CENPP: variants seen among roughly 807,000 people sequenced by gnomAD.
The protein encoded by CENPP is centromere protein P.
CENPP carries 24 observed loss-of-function variants against 35.6 expected under a neutral mutation model. That is an observed-to-expected ratio of 0.67 (90% CI 0.49 to 0.95). The LOEUF is 0.95. CENPP is among the 40% of genes least tolerant of loss of function. The probability of loss-of-function intolerance (pLI) is 0.00; values close to 1 mark genes in which losing one functional copy is unlikely to be tolerated. For missense variants in CENPP, 332 were observed against 345.3 expected (o/e 0.96, Z 0.31); for synonymous variants, 120 against 125.5 (o/e 0.96, Z 0.29).
intron 4 of CENPP, among the ~76,000 whole-genome samples, chr9:92,348,876 G>A (rs1327888608): frequency 1.3e-5 from 2 of 152,144 alleles, no homozygotes; most frequent in Non-Finnish European, 2.9e-5. Context: ...AATCTGGATT[G>A]CATAGGTTGT....
At chr9:92,553,619 C>T (rs747309034) in intron 5 of CENPP, among the ~76,000 whole-genome samples, 7 of 151,976 alleles carry the variant, frequency 4.6e-5, no homozygotes, top group Non-Finnish European at 1.0e-4. Context: ...AGAGGTCTTT[C>T]GACTCCTTGG....
At chr9:92,587,468 C>T (rs1159043936) in intron 5 of CENPP, among the ~76,000 whole-genome samples, 2 of 150,342 alleles carry the variant, frequency 1.3e-5, no homozygotes, top group Non-Finnish European at 3.0e-5. Context: ...AAATTGCCAT[C>T]TCAAAAAAAA....
At chr9:92,499,171 T>C (rs768772047) in intron 5 of CENPP, among the ~76,000 whole-genome samples, 5 of 152,170 alleles carry the variant, frequency 3.3e-5, no homozygotes, top group Non-Finnish European at 7.3e-5. Context: ...ATGACTGCAA[T>C]TGATTGAAAC....
At chr9:92,496,625 A>G in intron 5 of CENPP, 2 of 1,026,516 alleles carry the variant, frequency 1.9e-6, no homozygotes, top group Non-Finnish European at 2.7e-6. Context: ...CAACTACGTC[A>G]GAGATTCAAA....
chr9:92,461,246 A>G (rs1845097502), intron 5 of CENPP, among the ~76,000 whole-genome samples: 1 of 152,114 alleles, frequency 6.6e-6, no homozygotes, highest in Non-Finnish European at 1.5e-5. Flanking sequence ...TGATAAGGTC[A>G]TCTTGTTTTT....
intron 5 of CENPP, among the ~76,000 whole-genome samples, chr9:92,472,662 AAAT>A (rs1564340719): frequency 6.6e-6 from 1 of 152,156 alleles, no homozygotes; most frequent in Non-Finnish European, 1.5e-5. Flanking sequence ...TGTCTCAAAA[AAAT>A]AATAATAATA....
At chr9:92,393,308 T>C (rs1270638896) in intron 5 of CENPP, 3 of 1,282,994 alleles carry the variant, frequency 2.3e-6, no homozygotes, top group South Asian at 3.1e-5. Flanking sequence ...CCTCTAGTAG[T>C]AAAATTATTG....
At chr9:92,332,072 T>G in intron 1 of CENPP, 98 bp from the exon 2 acceptor site, 2 of 653,430 alleles carry the variant, frequency 3.1e-6, no homozygotes, top group Non-Finnish European at 4.9e-6. Flanking sequence ...TGGAAGAGAG[T>G]AAGAGGGACA....
intron 5 of CENPP, among the ~76,000 whole-genome samples, chr9:92,418,099 A>C (rs748927199): frequency 1.5e-4 from 23 of 149,894 alleles, no homozygotes; most frequent in East Asian, 4.0e-4. Flanking sequence ...TTTTCTTTTT[A>C]TTTTTGAGAT....
chr9:92,500,773 C>A (rs2131151305), intron 5 of CENPP: 1 of 1,614,068 alleles, frequency 6.2e-7, no homozygotes, highest in East Asian at 2.2e-5. Context: ...GCTTTCATTT[C>A]TTGTATCCCA....
chr9:92,604,428 T>C (rs1264512483), intron 5 of CENPP, among the ~76,000 whole-genome samples: 1 of 152,238 alleles, frequency 6.6e-6, no homozygotes, highest in Non-Finnish European at 1.5e-5. Context: ...TCATATATTC[T>C]GGATACAAGT....
chr9:92,461,074 A>C (rs528845070), intron 5 of CENPP, among the ~76,000 whole-genome samples: 4 of 152,088 alleles, frequency 2.6e-5, no homozygotes, highest in Admixed American at 1.3e-4. Context: ...CAGCTTCAAC[A>C]GTTATCTCCA....
intron 5 of CENPP, among the ~76,000 whole-genome samples, chr9:92,518,554 T>C (rs190393323): frequency 6.6e-6 from 1 of 152,316 alleles, no homozygotes; most frequent in East Asian, 1.9e-4. Flanking sequence ...TTATGGTTTA[T>C]TATGCTATTG....
rs960797068 is a variant in CENPP, at chr9:92,514,851, C to T, written c.565-96463C>T. On this transcript the variant is annotated intron_variant, in intron 5 of 7. Coordinates refer to ENST00000375587, the MANE Select transcript of CENPP (RefSeq NM_001012267.3). ...CCTCATCCTCCTCACCCTCCTCACC[C>T]TCCTCCTCCTCATCCTCCTCCTCCT... 4.3e-6 allele frequency: 7 copies of T among 1,609,302 alleles called. No individual in the cohort carries two copies. The Admixed American group carries it at 1.0e-4, about 23-fold the overall frequency.
chr9:92,611,310 G>T lies in CENPP; in HGVS notation c.565-4G>T, dbSNP rs749869503. 6.2e-7 allele frequency: 1 copy of T among 1,612,742 alleles called. No homozygotes were observed. Among genetic ancestry groups the T allele is most frequent in the Non-Finnish European group, 8.5e-7 (1 of 1,179,360 alleles). ...CTGTCTACCCGTTTCTTCTCCCCAT[G>T]CAGGAAAAGTACCCAGATGCCGTGT... On this transcript the variant is annotated splice_polypyrimidine_tract_variant and splice_region_variant and intron_variant, in intron 5 of 7. Coordinates refer to ENST00000375587, the MANE Select transcript of CENPP (RefSeq NM_001012267.3).
At chr9:92,440,383 A>AATC (rs2044226011) in intron 5 of CENPP, among the ~76,000 whole-genome samples, 2 of 151,890 alleles carry the variant, frequency 1.3e-5, no homozygotes, top group African/African-American at 4.8e-5. Flanking sequence ...ATAAATAAAT[A>AATC]AATCACAAGA....
At chr9:92,596,168 C>G (rs11793563) in intron 5 of CENPP, among the ~76,000 whole-genome samples, 17,423 of 151,848 alleles carry the variant, frequency 0.11, 1,086 homozygotes, top group Middle Eastern at 0.15. Context: ...GAGTCTTGCT[C>G]TGTTGCCCAG....
intron 5 of CENPP, chr9:92,456,966 A>G (rs3174352): frequency 0.49 from 531,170 of 1,077,166 alleles, 135,854 homozygotes; most frequent in East Asian, 0.78. Context: ...TTTTTAAAAT[A>G]TGCTTGATAA....
chr9:92,523,240 T>C (rs1848188447), intron 5 of CENPP, among the ~76,000 whole-genome samples: 1 of 152,224 alleles, frequency 6.6e-6, no homozygotes, highest in Non-Finnish European at 1.5e-5. Context: ...TCACCATGCC[T>C]GTTCAGAACT....
Sources: gnomAD v4.1 joint callset for allele counts (sites outside exome capture counted in the v4.1 genomes callset) on GRCh38, gnomAD v4.1.1 for gene constraint, MANE v1.5 for transcripts, NCBI Gene and HGNC (gene_info 2026-07-23, HGNC 2026-07-21) for gene names.